TAX1BP1: variants seen among roughly 807,000 people sequenced by gnomAD.
TAX1BP1 encodes tax1-binding protein 1.
TAX1BP1 carries 62 observed loss-of-function variants against 97.7 expected under a neutral mutation model. The ratio of observed to expected loss-of-function variants is 0.63; its 90% CI spans 0.52 to 0.78. TAX1BP1 has a LOEUF of 0.78. TAX1BP1 is among the 30% of genes least tolerant of loss of function. TAX1BP1 has a pLI of 0.00. For synonymous variants in TAX1BP1, 340 were observed against 304.2 expected, an observed-to-expected ratio of 1.12 and a Z score of -1.23; for missense variants, 867 against 916.1, an observed-to-expected ratio of 0.95 and a Z score of 0.69.
chr7:27,818,865 C>G (rs1790873781), intron 15 of TAX1BP1, among the ~76,000 whole-genome samples: 1 of 152,070 alleles, frequency 6.6e-6, no homozygotes, highest in African/African-American at 2.4e-5. Context: ...TAGCATGCCC[C>G]AAATCACTTA....
intron 3 of TAX1BP1, 135 bp from the exon 4 acceptor site, chr7:27,765,699 A>G: frequency 1.3e-6 from 1 of 765,388 alleles, no homozygotes; most frequent in Non-Finnish European, 2.0e-6. Context: ...ATAATTTGCG[A>G]AAGGAGGAAG....
chr7:27,766,221 C>T (rs1183196457), intron 4 of TAX1BP1, among the ~76,000 whole-genome samples, 200 bp downstream of exon 4: 2 of 151,906 alleles, frequency 1.3e-5, no homozygotes, highest in African/African-American at 4.8e-5. Context: ...GATATCGAGA[C>T]CATCCTGGCT....
In TAX1BP1 at chr7:27,794,315, T is replaced by A. The variant is rs777770307; in HGVS notation, c.1411-8T>A. The A allele has an allele frequency of 1.2e-6, 2 of 1,600,356 alleles. No individual in the cohort carries two copies. Among genetic ancestry groups the A allele is most frequent in the Non-Finnish European group, 1.7e-6 (2 of 1,172,466 alleles). On this transcript the variant is annotated splice_region_variant and splice_polypyrimidine_tract_variant and intron_variant, in intron 10 of 16. Coordinates refer to ENST00000396319, the MANE Select transcript of TAX1BP1 (RefSeq NM_006024.7). ...ACTCATTTAACAACTTATTAACATT[T>A]TGAATAGGCTAATAATAATAATGTC...
At chr7:27,763,027 T>A (rs190536665) in intron 3 of TAX1BP1, among the ~76,000 whole-genome samples, 2 of 152,344 alleles carry the variant, frequency 1.3e-5, no homozygotes, top group East Asian at 3.9e-4. Flanking sequence ...CATTTTTATT[T>A]TGAATTTTGA....
At chr7:27,821,216 C>T (rs1475629103) in intron 15 of TAX1BP1, among the ~76,000 whole-genome samples, 3 of 152,076 alleles carry the variant, frequency 2.0e-5, no homozygotes, top group Non-Finnish European at 4.4e-5. Context: ...CTTTTCTATA[C>T]CATATTAGTA....
chr7:27,765,310 G>A (rs933126125), intron 3 of TAX1BP1, among the ~76,000 whole-genome samples: 17 of 151,788 alleles, frequency 1.1e-4, no homozygotes, highest in Admixed American at 9.2e-4. Context: ...ATGAGCCACC[G>A]CACTGGGTCC....
rs758271378 is a variant in TAX1BP1 at position 27,794,309 on chromosome 7, A to G, written c.1411-14A>G. 9 of 1,596,882 alleles carry G rather than the reference A, an allele frequency of 5.6e-6. No homozygotes were observed. The highest frequency in any genetic ancestry group is 7.7e-6 in the Non-Finnish European group (9 of 1,169,944). ...TCATTGACTCATTTAACAACTTATT[A>G]ACATTTTGAATAGGCTAATAATAAT... On this transcript the variant is annotated splice_polypyrimidine_tract_variant and intron_variant, in intron 10 of 16. Coordinates refer to ENST00000396319, the MANE Select transcript of TAX1BP1 (RefSeq NM_006024.7).
intron 13 of TAX1BP1, among the ~76,000 whole-genome samples, chr7:27,814,651 A>G (rs1222477475): frequency 6.6e-6 from 1 of 152,040 alleles, no homozygotes; most frequent in Admixed American, 6.5e-5. Context: ...TCATTTTCCA[A>G]TTATTTGTTG....
intron 13 of TAX1BP1, 91 bp from the exon 14 acceptor site, chr7:27,816,258 A>T: frequency 9.5e-7 from 1 of 1,048,008 alleles, no homozygotes; most frequent in Non-Finnish European, 1.3e-6. Context: ...AAATAATTTT[A>T]TTGTTATATT....
chr7:27,818,886 G>T (rs1474957876), intron 15 of TAX1BP1, among the ~76,000 whole-genome samples: 2 of 152,104 alleles, frequency 1.3e-5, no homozygotes, highest in Non-Finnish European at 2.9e-5. Context: ...GCTGCTGTGG[G>T]TAGAGACAGG....
chr7:27,784,128 T>C (rs931375429), intron 5 of TAX1BP1, among the ~76,000 whole-genome samples: 1 of 152,190 alleles, frequency 6.6e-6, no homozygotes, highest in Non-Finnish European at 1.5e-5. Flanking sequence ...TTAAAGTGAA[T>C]TATAAATACT....
At chr7:27,766,064 G>A (rs765485851) in intron 4 of TAX1BP1, 43 bp downstream of exon 4, 7 of 1,569,074 alleles carry the variant, frequency 4.5e-6, no homozygotes, top group Non-Finnish European at 6.1e-6. Flanking sequence ...ATAATTTTAA[G>A]AACAGAGCTC....
At chr7:27,778,828 C>CT (rs1434952729) in intron 5 of TAX1BP1, among the ~76,000 whole-genome samples, 1 of 150,082 alleles carries the variant, frequency 6.7e-6, no homozygotes, top group East Asian at 2.0e-4. Context: ...TGCCACTGCA[C>CT]TTCAGCCTGG....
chr7:27,760,901 A>T (rs1788402438), intron 3 of TAX1BP1, among the ~76,000 whole-genome samples: 1 of 152,178 alleles, frequency 6.6e-6, no homozygotes, highest in African/African-American at 2.4e-5. Flanking sequence ...AGATGTTGTG[A>T]TTTAATTGGT....
chr7:27,792,166 A>C lies in TAX1BP1; in HGVS notation c.1199A>C (p.Lys400Thr). ...DLHTARLENE[K>T]VKKQLADAVA... is the part of the protein sequence containing the mutation. ...CATACTGCACGCTTGGAAAACGAGA[A>C]AGTGAAAAAGCAGTTAGCTGATGCA... The change falls in exon 9 of 17, where the codon AAA becomes ACA. Residue 400 changes from lysine to threonine, a missense_variant. Transcript: ENST00000396319. 1.2e-6 allele frequency: 2 copies of C among 1,613,950 alleles called. No homozygotes were observed. The highest frequency in any genetic ancestry group is 1.7e-6 in the Non-Finnish European group (2 of 1,180,014).
At chr7:27,739,892 T>A (rs1787497487), upstream of TAX1BP1, 1 of 152,314 alleles carries the variant, frequency 6.6e-6, no homozygotes, top group Non-Finnish European at 1.5e-5. Flanking sequence ...ACCTCCTGTG[T>A]GTTTCCCCCT....
chr7:27,746,625 G>T (rs1193696429), intron 1 of TAX1BP1, among the ~76,000 whole-genome samples: 1 of 152,130 alleles, frequency 6.6e-6, no homozygotes, highest in Non-Finnish European at 1.5e-5. Context: ...CAGGTAGAGA[G>T]TATTCATAGT....
chr7:27,816,990 T>C lies in TAX1BP1; in HGVS notation c.2037T>C (p.Ala679=). The C allele has an allele frequency of 6.2e-7, 1 of 1,614,088 alleles. No homozygotes were observed. Among genetic ancestry groups the C allele is most frequent in the Non-Finnish European group, 8.5e-7 (1 of 1,179,982 alleles). Residue 679 remains alanine, a synonymous_variant, in exon 15 of 17, where the codon GCT becomes GCC. Transcript: ENST00000396319. ...LEDNVVCSQP[A]RNFSRPDGLE... ...ACAATGTTGTCTGCAGCCAGCCTGC[T>C]CGAAACTTTAGTCGGCCTGATGGCT...
rs1789510248 is a variant in TAX1BP1, at chr7:27,786,975, A to G, written c.853-443A>G. 3.3e-5 allele frequency among the ~76,000 whole-genome samples: 5 copies of G among 152,158 alleles called. 1 individual carries two copies. The South Asian group carries it at 1.0e-3, about 32-fold the overall frequency. On this transcript the variant is annotated intron_variant, in intron 7 of 16. Transcript: ENST00000396319. The stretch of plus-strand genomic sequence containing the variant: ...TTTCAGCACATTGAAACTAAATGAT[A>G]TCGTACTTTTCGCCTGCAGAAAATG...
Sources: allele counts gnomAD v4.1 joint callset (sites outside exome capture counted in the v4.1 genomes callset), GRCh38; gene constraint gnomAD v4.1.1; transcripts MANE v1.5; gene names NCBI Gene and HGNC (gene_info 2026-07-23, HGNC 2026-07-21).